Variants in ANKRD44 observed in about 807,000 individuals in gnomAD.
ANKRD44 encodes the protein ankyrin repeat domain 44.
A neutral mutation model predicts 116.0 loss-of-function variants in ANKRD44; 35 were observed. The observed-to-expected ratio is 0.30, with a 90% confidence interval of 0.23 to 0.40. ANKRD44 has a LOEUF of 0.40. Ranked by LOEUF, ANKRD44 falls within the 10% of genes least tolerant of loss-of-function variation. ANKRD44 has a pLI of 1.00. For synonymous variants in ANKRD44, 435 were observed against 461.8 expected, an observed-to-expected ratio of 0.94 and a Z score of 0.74; for missense variants, 1,014 against 1,242.6, an observed-to-expected ratio of 0.82 and a Z score of 2.77.
intron 19 of ANKRD44, 99 bp downstream of exon 19, chr2:197,008,845 T>C: frequency 9.6e-7 from 1 of 1,046,414 alleles, no homozygotes; most frequent in Non-Finnish European, 1.5e-6. Flanking sequence ...TTCCTCCAAT[T>C]TCTCGGTTCC....
chr2:197,101,552 G>C (rs1007129887), intron 9 of ANKRD44, among the ~76,000 whole-genome samples: 1 of 151,994 alleles, frequency 6.6e-6, no homozygotes, highest in African/African-American at 2.4e-5. Flanking sequence ...CCACTGAACT[G>C]TACACTTAAA....
chr2:196,987,820 T>C lies in ANKRD44; in HGVS notation c.*1771A>G. 1.0e-6 allele frequency: 1 copy of C among 984,584 alleles called. No individual in the cohort carries two copies. Among genetic ancestry groups the C allele is most frequent in the Non-Finnish European group, 1.2e-6 (1 of 829,670 alleles). 61.0% of individuals were successfully genotyped at this position (984,584 alleles called of 1,614,324 possible). A position where few individuals can be genotyped will look rare whatever the true frequency, so the allele number is the denominator to read the frequency against. Reference sequence around the variant, plus strand: ...AACACAAATAAAAGCACTAAGCAACTAAGACTCAGTTAAAAACACATTTTT... The same window carrying C: ...AACACAAATAAAAGCACTAAGCAACCAAGACTCAGTTAAAAACACATTTTT... On this transcript the variant is annotated 3_prime_UTR_variant, in exon 28 of 28. Transcript: ENST00000282272.
intron 2 of ANKRD44, among the ~76,000 whole-genome samples, chr2:197,153,691 C>G (rs1418996789): frequency 2.0e-5 from 3 of 152,158 alleles, no homozygotes; most frequent in Non-Finnish European, 2.9e-5. Flanking sequence ...TATGTGCCCA[C>G]CAGCAAAAAC....
chr2:197,187,636 C>T (rs994037008), intron 1 of ANKRD44, among the ~76,000 whole-genome samples: 6 of 144,994 alleles, frequency 4.1e-5, no homozygotes, highest in African/African-American at 1.4e-4. Context: ...CCAGAGCTCA[C>T]GTTCTCATTC....
chr2:197,026,048 A>AAACAAAC, intron 16 of ANKRD44, among the ~76,000 whole-genome samples: 1 of 8,140 alleles, frequency 1.2e-4, no homozygotes, highest in South Asian at 0.02. Flanking sequence ...AAAAAGAAAC[A>AAACAAAC]AAAAAAAAAA....
intron 2 of ANKRD44, among the ~76,000 whole-genome samples, chr2:197,160,060 ACACACATG>A (rs946905769): frequency 6.6e-6 from 1 of 151,982 alleles, no homozygotes; most frequent in Non-Finnish European, 1.5e-5. Context: ...ACACACACAT[ACACACATG>A]CACACGCACA....
intron 1 of ANKRD44, among the ~76,000 whole-genome samples, chr2:197,276,024 C>A (rs1346265267): frequency 1.3e-5 from 2 of 151,922 alleles, no homozygotes; most frequent in Non-Finnish European, 2.9e-5. Flanking sequence ...GCCTGTAATC[C>A]CAGCACTTTG....
intron 1 of ANKRD44, among the ~76,000 whole-genome samples, chr2:197,270,799 G>A (rs146657899): frequency 1.5e-3 from 225 of 152,274 alleles, no homozygotes; most frequent in African/African-American, 5.1e-3. Context: ...TGGAGGGAGC[G>A]GAGCCAGCTG....
chr2:197,276,459 T>G (rs973668886), intron 1 of ANKRD44, among the ~76,000 whole-genome samples: 1 of 151,966 alleles, frequency 6.6e-6, no homozygotes, highest in Non-Finnish European at 1.5e-5. Flanking sequence ...GAAAAGACTT[T>G]TTTGCCCTTA....
chr2:197,054,838 T>C (rs929944151), intron 16 of ANKRD44, among the ~76,000 whole-genome samples: 1 of 152,186 alleles, frequency 6.6e-6, no homozygotes, highest in Non-Finnish European at 1.5e-5. Context: ...AGTGAATGTT[T>C]AGAGGCCATA....
At chr2:197,294,429 G>C (rs1176007606) in intron 1 of ANKRD44, among the ~76,000 whole-genome samples, 2 of 152,186 alleles carry the variant, frequency 1.3e-5, no homozygotes, top group East Asian at 3.9e-4. Context: ...CTTCATCCAA[G>C]ATCAAACAGA....
chr2:197,186,505 A>G (rs1008653548), intron 2 of ANKRD44, among the ~76,000 whole-genome samples: 2 of 151,320 alleles, frequency 1.3e-5, no homozygotes, highest in Non-Finnish European at 2.9e-5. Flanking sequence ...TACTCTGTCA[A>G]CCAGGCTAGA....
intron 14 of ANKRD44, among the ~76,000 whole-genome samples, chr2:197,082,253 T>C (rs1359597727): frequency 6.6e-6 from 1 of 152,224 alleles, no homozygotes; most frequent in East Asian, 1.9e-4. Flanking sequence ...GCTTGGCACA[T>C]AGTAGATGCT....
At chr2:196,996,357 G>C (rs932620990) in intron 25 of ANKRD44, among the ~76,000 whole-genome samples, 2 of 152,204 alleles carry the variant, frequency 1.3e-5, no homozygotes, top group African/African-American at 4.8e-5. Flanking sequence ...GGGCTTCCCA[G>C]AGCATGAAGT....
In ANKRD44 at chr2:196,989,572, G is replaced by T; in HGVS notation, c.*19C>A. 6.5e-7 allele frequency: 1 copy of T among 1,549,174 alleles called. No individual in the cohort carries two copies. On this transcript the variant is annotated 3_prime_UTR_variant, in exon 28 of 28. Transcript: ENST00000282272. ...CACATATATGTGTGCATGTGTATGT[G>T]CATAATTTTTAAAGAGTCTCATTCT...
intron 23 of ANKRD44, 78 bp from the exon 24 acceptor site, chr2:196,999,130 A>C: frequency 6.6e-7 from 1 of 1,522,318 alleles, no homozygotes; most frequent in Non-Finnish European, 8.9e-7. Context: ...AAACATGCAC[A>C]AGGTGTTGTC....
At chr2:197,308,987 T>C (rs2084159145) in intron 1 of ANKRD44, among the ~76,000 whole-genome samples, 1 of 152,256 alleles carries the variant, frequency 6.6e-6, no homozygotes, top group Non-Finnish European at 1.5e-5. Flanking sequence ...ATCTGTTTTG[T>C]CATTTAGAAA....
intron 13 of ANKRD44, 55 bp downstream of exon 13, chr2:197,086,625 C>G: frequency 1.3e-6 from 2 of 1,537,580 alleles, no homozygotes; most frequent in Non-Finnish European, 1.8e-6. Context: ...ACTACATAGA[C>G]CACTCCCAGT....
intron 21 of ANKRD44, 86 bp downstream of exon 21, chr2:197,005,608 T>C (rs568575119): frequency 2.5e-6 from 3 of 1,203,096 alleles, no homozygotes; most frequent in Non-Finnish European, 3.6e-6. Flanking sequence ...GTTTGCAGAA[T>C]TACATAAGGC....
Sources: gnomAD v4.1 joint callset for allele counts (sites outside exome capture counted in the v4.1 genomes callset) on GRCh38, gnomAD v4.1.1 for gene constraint, MANE v1.5 for transcripts, NCBI Gene and HGNC (gene_info 2026-07-23, HGNC 2026-07-21) for gene names.